The following AGAP1 variants were observed in gnomAD, a reference collection of about 807,000 sequenced individuals.
The protein encoded by AGAP1 is ArfGAP with GTPase domain, ankyrin repeat and PH domain 1.
In AGAP1, 29 loss-of-function variants were observed where a neutral mutation model predicts 105.3. The observed-to-expected ratio is 0.28, with a 90% CI of 0.21 to 0.38. The LOEUF (loss-of-function observed/expected upper bound fraction) is 0.38. Ranked by LOEUF, AGAP1 falls within the 10% of genes least tolerant of loss-of-function variation. The pLI is 1.00. For missense variants in AGAP1, 998 were observed against 1,165.1 expected, an observed-to-expected ratio of 0.86 and a Z score of 2.09; for synonymous variants, 509 against 485.9, an observed-to-expected ratio of 1.05 and a Z score of -0.63.
rs373079828 is a variant in AGAP1 at position 236,088,897 on chromosome 2, A to G, written c.2115-31295A>G. Among the ~76,000 whole-genome samples the G allele has an allele frequency of 1.7e-4, 26 of 152,352 alleles. No individual in the cohort carries two copies. In the South Asian group the frequency reaches 4.8e-3, roughly 28 times the overall value. ...CTCAGTTGGTATTTCTTGAAAGAAT[A>G]GTTGCTTAACAGGGCATTCGATCAT... On this transcript the variant is annotated intron_variant, in intron 16 of 17. Coordinates refer to ENST00000304032, the MANE Select transcript of AGAP1 (RefSeq NM_001037131.3).
At chr2:236,103,393 GT>G (rs1364708372) in intron 16 of AGAP1, among the ~76,000 whole-genome samples, 1 of 151,950 alleles carries the variant, frequency 6.6e-6, no homozygotes, top group Non-Finnish European at 1.5e-5. Flanking sequence ...TCCTCATTTT[GT>G]TCACAGCCTG....
rs1251055939 is a variant in AGAP1, at chr2:235,864,341, T to C, written c.1051-19004T>C. ...GGCCGGCCTGGAGGCCTGGGTGTGC[T>C]TCCTAGGCAGGCAGTTGGATTCTGT... On this transcript the variant is annotated intron_variant, in intron 9 of 17. Coordinates refer to ENST00000304032, the MANE Select transcript of AGAP1 (RefSeq NM_001037131.3). This position sits in a 1 kb window ranked among gnomAD's most constrained non-coding sequence, Gnocchi z 5.0. Among the ~76,000 whole-genome samples the C allele has an allele frequency of 6.6e-6, 1 of 152,234 alleles. No individual in the cohort carries two copies. Among genetic ancestry groups the C allele is most frequent in the African/African-American group, 2.4e-5 (1 of 41,454 alleles).
rs1283185617 is a variant in AGAP1 at position 235,830,816 on chromosome 2, A to AT, written c.1050+23487dup. Among the ~76,000 whole-genome samples, 2 of 152,178 alleles carry AT rather than the reference A, an allele frequency of 1.3e-5. No individual in the cohort carries two copies. The highest frequency in any genetic ancestry group is 1.3e-4 in the Admixed American group (2 of 15,280). ...TCTATTGGATGCTGTTGATAGCCTC[A>AT]TTCTTCTCAGGTCCACCTGTCGGTA... is the stretch of plus-strand genomic sequence containing the variant. On this transcript the variant is annotated intron_variant, in intron 9 of 17. Transcript: ENST00000304032. The surrounding 1 kb of genome is among the most constrained non-coding windows in gnomAD (Gnocchi z 5.5).
rs991120875 is a variant in AGAP1, at chr2:236,120,957, A to G, written c.2370+510A>G. Among the ~76,000 whole-genome samples the G allele has an allele frequency of 5.3e-5, 8 of 152,240 alleles. No homozygotes were observed. Among genetic ancestry groups the G allele is most frequent in the African/African-American group, 1.4e-4 (6 of 41,456 alleles). Reference sequence around the variant, plus strand: ...ATGTGTCACAATGCTTGAAGGAGTGAAAGAGAAGGATAAAGTGGTTGTGCA... The same window carrying G: ...ATGTGTCACAATGCTTGAAGGAGTGGAAGAGAAGGATAAAGTGGTTGTGCA... On this transcript the variant is annotated intron_variant, in intron 17 of 17. Coordinates refer to ENST00000304032, the MANE Select transcript of AGAP1 (RefSeq NM_001037131.3). The surrounding 1 kb of genome is among the most constrained non-coding windows in gnomAD (Gnocchi z 6.0).
At chr2:235,697,024 C>A (rs994418489) in intron 1 of AGAP1, among the ~76,000 whole-genome samples, 3 of 152,054 alleles carry the variant, frequency 2.0e-5, no homozygotes, top group Non-Finnish European at 2.9e-5. Context: ...TTGTTTCATT[C>A]GATTTGCCAT....
chr2:235,651,073 C>T (rs1199117917), intron 1 of AGAP1, among the ~76,000 whole-genome samples: 1 of 150,790 alleles, frequency 6.6e-6, no homozygotes, highest in East Asian at 2.0e-4. Flanking sequence ...CCCAGCTACT[C>T]AGGAGGCTGA....
intron 2 of AGAP1, among the ~76,000 whole-genome samples, chr2:235,710,810 T>TC (rs1465511909): frequency 6.6e-6 from 1 of 152,146 alleles, no homozygotes; most frequent in Non-Finnish European, 1.5e-5. Context: ...CCGCTGCCAC[T>TC]CGGGTGCTGT....
At chr2:235,624,419 T>C (rs1455358721) in intron 1 of AGAP1, among the ~76,000 whole-genome samples, 1 of 152,212 alleles carries the variant, frequency 6.6e-6, no homozygotes. Context: ...GGGAAGCACC[T>C]ACAGTGGTCG....
chr2:235,598,751 C>T (rs1353488061), intron 1 of AGAP1, among the ~76,000 whole-genome samples: 1 of 152,120 alleles, frequency 6.6e-6, no homozygotes, highest in Non-Finnish European at 1.5e-5. Context: ...AGCATGGTGG[C>T]CCAGGGCTGT....
intron 1 of AGAP1, among the ~76,000 whole-genome samples, chr2:235,567,383 G>T (rs2149152418): frequency 6.6e-6 from 1 of 152,350 alleles, no homozygotes; most frequent in African/African-American, 2.4e-5. Context: ...CCTGCCCTCA[G>T]CTGGGAGATG....
Position 236,095,368 on chromosome 2 carries a change from G to A in AGAP1, c.2115-24824G>A, listed in dbSNP as rs1424034902. On this transcript the variant is annotated intron_variant, in intron 16 of 17. Transcript: ENST00000304032. This position sits in a 1 kb window ranked among gnomAD's most constrained non-coding sequence, Gnocchi z 4.1. ...GCCATGATCATGCCACTGCATTCCAGCCTGGTTGACAGAGTTAGACCTTGT... is the reference window on the plus strand; with the variant it reads ...GCCATGATCATGCCACTGCATTCCAACCTGGTTGACAGAGTTAGACCTTGT... 6.6e-6 allele frequency among the ~76,000 whole-genome samples: 1 copy of A among 152,116 alleles called. No individual in the cohort carries two copies. Among genetic ancestry groups the A allele is most frequent in the Admixed American group, 6.5e-5 (1 of 15,270 alleles).
At chr2:235,878,282 A>G (rs1323424992) in intron 9 of AGAP1, among the ~76,000 whole-genome samples, 2 of 152,198 alleles carry the variant, frequency 1.3e-5, no homozygotes, top group Non-Finnish European at 2.9e-5. Flanking sequence ...GCAAAAATGT[A>G]TACCTGTGGC....
chr2:236,086,258 G>A (rs1276947774), intron 16 of AGAP1, among the ~76,000 whole-genome samples: 1 of 152,014 alleles, frequency 6.6e-6, no homozygotes, highest in Non-Finnish European at 1.5e-5. Flanking sequence ...TGGTACTAAC[G>A]TGCCCCCCAA....
intron 6 of AGAP1, among the ~76,000 whole-genome samples, chr2:235,785,333 A>T (rs894198434): frequency 2.6e-5 from 4 of 152,364 alleles, no homozygotes; most frequent in African/African-American, 9.6e-5. Context: ...AAAAATAGGA[A>T]GCAAATTAGA....
Position 235,981,449 on chromosome 2 carries a change from G to A in AGAP1, c.1645+12826G>A, listed in dbSNP as rs1233244969. On this transcript the variant is annotated intron_variant, in intron 13 of 17. Transcript: ENST00000304032. This position sits in a 1 kb window ranked among gnomAD's most constrained non-coding sequence, Gnocchi z 5.5. ...GAATTTCTAAGTTCATGTTCCATGCGTACACACACACACACACACACACAC... is the reference window on the plus strand; with the variant it reads ...GAATTTCTAAGTTCATGTTCCATGCATACACACACACACACACACACACAC... Among the ~76,000 whole-genome samples the A allele has an allele frequency of 2.9e-5, 3 of 104,582 alleles. No individual in the cohort carries two copies. Among genetic ancestry groups the A allele is most frequent in the African/African-American group, 7.2e-5 (2 of 27,796 alleles). 68.6% of individuals were successfully genotyped at this position (104,582 alleles called of 152,430 possible).
rs1341163394 is a variant in AGAP1, at chr2:236,020,304, TGCAGTGTTTGAAC to T, written c.1646-16255_1646-16243del. On this transcript the variant is annotated intron_variant, in intron 13 of 17. Coordinates refer to ENST00000304032, the MANE Select transcript of AGAP1 (RefSeq NM_001037131.3). The surrounding 1 kb of genome is among the most constrained non-coding windows in gnomAD (Gnocchi z 5.0). The stretch of plus-strand genomic sequence containing the variant: ...GATTCTCTCTGTTTTCAAAGAAAAT[TGCAGTGTTTGAAC>T]GTTGTTTATGTAGCCAGGAACAGAG... 2.2e-4 allele frequency among the ~76,000 whole-genome samples: 33 copies of T among 152,356 alleles called. No individual in the cohort carries two copies. Among genetic ancestry groups the T allele is most frequent in the African/African-American group, 7.0e-4 (29 of 41,572 alleles).
At chr2:235,862,821 CTCTTCACA>C (rs1338288862) in intron 9 of AGAP1, among the ~76,000 whole-genome samples, 1 of 152,186 alleles carries the variant, frequency 6.6e-6, no homozygotes, top group Non-Finnish European at 1.5e-5. Flanking sequence ...TTCTTTATGC[CTCTTCACA>C]TCCAGGGTGG....
chr2:236,047,426 C>T (rs907750876), intron 15 of AGAP1, among the ~76,000 whole-genome samples: 16 of 151,842 alleles, frequency 1.1e-4, no homozygotes, highest in Non-Finnish European at 2.2e-4. Context: ...TCTGTGTCCC[C>T]GCTGCCCTCT....
intron 13 of AGAP1, among the ~76,000 whole-genome samples, chr2:236,011,127 G>T (rs1294556049): frequency 6.6e-6 from 1 of 152,230 alleles, no homozygotes; most frequent in South Asian, 2.1e-4. Flanking sequence ...CCAGCAGTCG[G>T]TGGTGATTCC....
Sources: gnomAD v4.1 joint callset for allele counts (sites outside exome capture counted in the v4.1 genomes callset) on GRCh38, gnomAD v4.1.1 for gene constraint, Gnocchi (gnomAD v3.1) non-coding constraint, MANE v1.5 for transcripts, NCBI Gene and HGNC (gene_info 2026-07-23, HGNC 2026-07-21) for gene names.